ATG16L1: variants seen among roughly 807,000 people sequenced by gnomAD.
ATG16L1 encodes autophagy related 16 like 1.
In ATG16L1, 37 loss-of-function variants were observed where a neutral mutation model predicts 88.5. The observed-to-expected ratio is 0.42, with a 90% CI of 0.32 to 0.55. The LOEUF (loss-of-function observed/expected upper bound fraction) is 0.55, where lower values mean the gene tolerates loss of function less well. ATG16L1 is among the 20% of genes least tolerant of loss of function. The pLI is 0.13. For missense variants in ATG16L1, 554 were observed against 752.8 expected, an observed-to-expected ratio of 0.74 and a Z score of 3.09; for synonymous variants, 301 against 281.0, an observed-to-expected ratio of 1.07 and a Z score of -0.71.
chr2:233,277,674 G>A lies in ATG16L1; in HGVS notation c.1060+1G>A. 2.5e-6 allele frequency: 4 copies of A among 1,612,880 alleles called. No individual in the cohort carries two copies. The highest frequency in any genetic ancestry group is 3.4e-6 in the Non-Finnish European group (4 of 1,178,960). ...GTTAAGCTTTGGGAAGTATTTGGAG[G>A]TGAGAGCCTGCTGCATGTTCTCAGA... On this transcript the variant is annotated splice_donor_variant, in intron 10 of 17. Coordinates refer to ENST00000392017, the MANE Select transcript of ATG16L1 (RefSeq NM_030803.7). LOFTEE classifies it high-confidence loss of function.
chr2:233,284,722 G>A (rs760022629), intron 12 of ATG16L1, among the ~76,000 whole-genome samples: 3 of 151,656 alleles, frequency 2.0e-5, no homozygotes, highest in South Asian at 2.1e-4. Context: ...CGTCTGCCTC[G>A]GCCTCCCAAA....
intron 2 of ATG16L1, among the ~76,000 whole-genome samples, chr2:233,258,647 A>G (rs961374880): frequency 6.6e-6 from 1 of 152,216 alleles, no homozygotes; most frequent in Admixed American, 6.5e-5. Flanking sequence ...TTTATCTGTT[A>G]GCCAAACTCA....
In ATG16L1 at chr2:233,284,366, C is replaced by G. The variant is rs993890286; in HGVS notation, c.1203+1613C>G. Among the ~76,000 whole-genome samples the G allele has an allele frequency of 2.6e-5, 4 of 152,190 alleles. No homozygotes were observed. The East Asian group carries it at 7.8e-4, about 30-fold the overall frequency. Reference sequence around the variant, plus strand: ...TATTATTTTGAGATGGAGTCTTGCTCTGTCGCCCAGGCTAGAGTGCAGTGG... The same window carrying G: ...TATTATTTTGAGATGGAGTCTTGCTGTGTCGCCCAGGCTAGAGTGCAGTGG... On this transcript the variant is annotated intron_variant, in intron 12 of 17. Transcript: ENST00000392017.
chr2:233,260,741 A>G (rs1265404181), intron 2 of ATG16L1, among the ~76,000 whole-genome samples: 1 of 152,128 alleles, frequency 6.6e-6, no homozygotes, highest in Non-Finnish European at 1.5e-5. Flanking sequence ...GTGTCTTGGT[A>G]GACTTTGAAG....
intron 3 of ATG16L1, 71 bp downstream of exon 3, chr2:233,263,306 G>A (rs1697345259): frequency 7.2e-7 from 1 of 1,392,230 alleles, no homozygotes; most frequent in African/African-American, 1.4e-5. Flanking sequence ...GGGGAGCTCA[G>A]TCACTTCTCA....
intron 12 of ATG16L1, among the ~76,000 whole-genome samples, chr2:233,284,410 C>T (rs549165623): frequency 3.3e-5 from 5 of 152,326 alleles, no homozygotes; most frequent in African/African-American, 9.6e-5. Flanking sequence ...CGGTTCACTG[C>T]AAGCTCCACC....
At chr2:233,257,272 G>A (rs536023120) in intron 2 of ATG16L1, among the ~76,000 whole-genome samples, 3 of 151,640 alleles carry the variant, frequency 2.0e-5, no homozygotes, top group Admixed American at 1.3e-4. Context: ...CTCGTGATCC[G>A]CCCGCCTCGG....
At chr2:233,263,367 T>A in intron 3 of ATG16L1, 132 bp downstream of exon 3, 1 of 746,648 alleles carries the variant, frequency 1.3e-6, no homozygotes, top group Non-Finnish European at 2.2e-6. Flanking sequence ...GTCCCCTCCA[T>A]AGGAATAAAA....
At chr2:233,253,340 G>GTTTTTTTTTTTTTTTTT (rs56151049) in intron 1 of ATG16L1, among the ~76,000 whole-genome samples, 2 of 108,660 alleles carry the variant, frequency 1.8e-5, no homozygotes, top group African/African-American at 3.6e-5. Context: ...GGGTTTTTTT[G>GTTTTTTTTTTTTTTTTT]TTTTTTTTTT....
intron 9 of ATG16L1, chr2:233,275,712 C>G: frequency 3.9e-6 from 2 of 517,452 alleles, no homozygotes; most frequent in Non-Finnish European, 7.7e-6. Context: ...CCATGATGCA[C>G]CGGGCACCTG....
rs1698458873 is a variant in ATG16L1, at chr2:233,277,570, T to A, written c.957T>A (p.Asp319Glu). The A allele has an allele frequency of 6.2e-7, 1 of 1,613,862 alleles. No homozygotes were observed. Among genetic ancestry groups the A allele is most frequent in the African/African-American group, 1.3e-5 (1 of 74,920 alleles). ...GACACAGGGTGCTTGTCTTGCAGGA[T>A]GCACATGATGGGGAAGTCAACGCTG... ...RVPATALCVF[D>E]AHDGEVNAVQ... The change falls in exon 10 of 18, where the codon GAT becomes GAA. Residue 319 changes from aspartate to glutamate, a missense_variant and splice_region_variant. Physicochemically the swap from Asp to Glu is conservative, Grantham distance 45. Coordinates refer to ENST00000392017, the MANE Select transcript of ATG16L1 (RefSeq NM_030803.7).
At chr2:233,262,991 G>T (rs374688201) in intron 2 of ATG16L1, 139 bp from the exon 3 acceptor site, 10 of 724,866 alleles carry the variant, frequency 1.4e-5, no homozygotes, top group Non-Finnish European at 2.4e-5. Context: ...AGCTGCTGGA[G>T]ACACCCGAAT....
Position 233,269,993 on chromosome 2 carries a change from TCC to T in ATG16L1, c.642-7_642-6del. The T allele has an allele frequency of 6.4e-7, 1 of 1,560,222 alleles. No individual in the cohort carries two copies. Among genetic ancestry groups the T allele is most frequent in the Admixed American group, 2.1e-5 (1 of 47,828 alleles). On this transcript the variant is annotated splice_polypyrimidine_tract_variant and splice_region_variant and intron_variant, in intron 5 of 17. Coordinates refer to ENST00000392017, the MANE Select transcript of ATG16L1 (RefSeq NM_030803.7). ...AAATGGTGGGCTTTTTTTTTTTTTT[TCC>T]CAACAGGAGGCGGCAAGCCCGGCTG...
Position 233,292,153 on chromosome 2 carries a change from G to C in ATG16L1, c.1456G>C (p.Glu486Gln), listed in dbSNP as rs1699506791. 4 of 1,614,216 alleles carry C rather than the reference G, an allele frequency of 2.5e-6. No individual in the cohort carries two copies. Among genetic ancestry groups the C allele is most frequent in the Non-Finnish European group, 3.4e-6 (4 of 1,180,048 alleles). The change falls in exon 15 of 18, where the codon GAG becomes CAG. Residue 486 changes from glutamate (E) to glutamine (Q), a missense_variant. By Grantham distance (29) the Glu-to-Gln change is conservative. Transcript: ENST00000392017. Reference protein sequence around the residue: ...IRSESIVREMELLGKITALDL... With the variant: ...IRSESIVREMQLLGKITALDL... Reference sequence around the variant, plus strand: ...ATCAGAGAGCATAGTTCGAGAGATGGAGCTGTTGGGAAAGATTACTGCCCT... The same window carrying C: ...ATCAGAGAGCATAGTTCGAGAGATGCAGCTGTTGGGAAAGATTACTGCCCT...
chr2:233,259,048 CCA>C (rs1697013125), intron 2 of ATG16L1, among the ~76,000 whole-genome samples: 1 of 152,016 alleles, frequency 6.6e-6, no homozygotes. Flanking sequence ...TTCATTCAGC[CCA>C]CACACAGCAA....
intron 2 of ATG16L1, among the ~76,000 whole-genome samples, chr2:233,262,489 C>G (rs1697285758): frequency 6.6e-6 from 1 of 152,190 alleles, no homozygotes. Context: ...TCCTCTGTCC[C>G]CCTGTGCCTG....
At chr2:233,272,099 A>G (rs1185123603) in intron 6 of ATG16L1, among the ~76,000 whole-genome samples, 1 of 152,246 alleles carries the variant, frequency 6.6e-6, no homozygotes, top group Non-Finnish European at 1.5e-5. Flanking sequence ...GAATCCAAAC[A>G]GTAGGTGATG....
At chr2:233,258,390 G>A (rs1696967102) in intron 2 of ATG16L1, among the ~76,000 whole-genome samples, 1 of 152,208 alleles carries the variant, frequency 6.6e-6, no homozygotes, top group Non-Finnish European at 1.5e-5. Flanking sequence ...GACAGAGTGG[G>A]AAAGATACCA....
At chr2:233,261,430 T>C (rs1166496437) in intron 2 of ATG16L1, among the ~76,000 whole-genome samples, 2 of 152,186 alleles carry the variant, frequency 1.3e-5, no homozygotes, top group African/African-American at 4.8e-5. Flanking sequence ...TTCTGCCTGA[T>C]TTAGGATGGT....
Sources: gnomAD v4.1 joint callset for allele counts (sites outside exome capture counted in the v4.1 genomes callset) on GRCh38, gnomAD v4.1.1 for gene constraint, MANE v1.5 for transcripts, NCBI Gene and HGNC (gene_info 2026-07-23, HGNC 2026-07-21) for gene names.